The following ECD variants were observed in gnomAD, a reference collection of about 807,000 sequenced individuals.
ECD encodes the protein ecdysoneless cell cycle regulator.
In ECD, 59 loss-of-function variants were observed where a neutral mutation model predicts 77.2. The ratio of observed to expected loss-of-function variants is 0.76; its 90% CI spans 0.62 to 0.95. The LOEUF (loss-of-function observed/expected upper bound fraction) is 0.95. Ranked by LOEUF, ECD falls within the 40% of genes least tolerant of loss-of-function variation. The pLI, the probability that ECD is intolerant of heterozygous loss-of-function variation, is 0.00. For missense variants in ECD, 704 were observed against 763.4 expected (o/e 0.92, Z 0.92); for synonymous variants, 233 against 267.4 (o/e 0.87, Z 1.26).
intron 3 of ECD, 133 bp from the exon 4 acceptor site, chr10:73,156,788 A>G: frequency 1.4e-6 from 1 of 726,570 alleles, no homozygotes; most frequent in South Asian, 1.8e-5. Context: ...AGATGGCTAT[A>G]AGAAAGCAAA....
At chr10:73,135,441 G>A (rs1238816678) in intron 13 of ECD, among the ~76,000 whole-genome samples, 3 of 152,136 alleles carry the variant, frequency 2.0e-5, no homozygotes, top group African/African-American at 7.2e-5. Flanking sequence ...AAACTCAGCT[G>A]GGAGTGGTCG....
Position 73,136,689 on chromosome 10 carries a change from TA to T in ECD, c.1704+14del. 1 of 1,612,392 alleles carries T rather than the reference TA, an allele frequency of 6.2e-7. No individual in the cohort carries two copies. The highest frequency in any genetic ancestry group is 2.2e-5 in the East Asian group (1 of 44,776). On this transcript the variant is annotated intron_variant, in intron 13 of 13. Coordinates refer to ENST00000372979, the MANE Select transcript of ECD (RefSeq NM_007265.3). Reference sequence around the variant, plus strand: ...ACTAGACTCAGAAAGAGAAAGAGGTTAAAAACACACATACCACTTGGTTCCT... The same window carrying T: ...ACTAGACTCAGAAAGAGAAAGAGGTTAAAACACACATACCACTTGGTTCCT...
At chr10:73,165,043 C>G (rs1843434875) in intron 1 of ECD, among the ~76,000 whole-genome samples, 1 of 152,206 alleles carries the variant, frequency 6.6e-6, no homozygotes, top group Non-Finnish European at 1.5e-5. Context: ...AGTTCTGCCA[C>G]TAATTAGTTG....
chr10:73,139,219 A>G, intron 11 of ECD, 90 bp downstream of exon 11: 1 of 915,286 alleles, frequency 1.1e-6, no homozygotes, highest in African/African-American at 3.2e-5. Context: ...ATTTACTCAA[A>G]AAAAAAAAAA....
At position 73,137,985 on chromosome 10, in the gene ECD, C is replaced by T. The variant is rs375517976; in HGVS notation, c.1489+18G>A. 98 of 1,558,276 alleles carry T rather than the reference C, an allele frequency of 6.3e-5. No individual in the cohort carries two copies. Among genetic ancestry groups the T allele is most frequent in the Non-Finnish European group, 8.1e-5 (93 of 1,154,680 alleles). On this transcript the variant is annotated intron_variant, in intron 12 of 13. Coordinates refer to ENST00000372979, the MANE Select transcript of ECD (RefSeq NM_007265.3). ...CTAACAGTTTCAAAATGAAAGTCAA[C>T]ATCACACCACTACTTACCTAAAATC...
In ECD at chr10:73,152,394, G is replaced by A. The variant is rs567996573; in HGVS notation, c.811C>T (p.Gln271Ter). Reference sequence around the variant, plus strand: ...GGCACAAACCTTTGTTGCACCAATTGTGCATATAGACATTTAGTGAATGTG... The same window carrying A: ...GGCACAAACCTTTGTTGCACCAATTATGCATATAGACATTTAGTGAATGTG... ...SVTFTKCLYA[Q>*]LVQQRFVPDR... Residue 271 changes from glutamine to a stop codon, truncating the protein, a stop_gained, in exon 7 of 14, where the codon CAA becomes TAA. Transcript: ENST00000372979. LOFTEE classifies it high-confidence loss of function. 1.2e-6 allele frequency: 2 copies of A among 1,613,650 alleles called. No individual in the cohort carries two copies. The highest frequency in any genetic ancestry group is 1.7e-5 in the Admixed American group (1 of 59,992).
chr10:73,145,318 G>GTGAC (rs534104457), intron 9 of ECD, among the ~76,000 whole-genome samples: 1 of 151,950 alleles, frequency 6.6e-6, no homozygotes, highest in Non-Finnish European at 1.5e-5. Flanking sequence ...TCCAGCCTGG[G>GTGAC]TGACTAAGCG....
intron 9 of ECD, among the ~76,000 whole-genome samples, chr10:73,143,853 C>A (rs1843091142): frequency 8.4e-6 from 1 of 119,168 alleles, no homozygotes. Context: ...TTTTTCACTG[C>A]ATTATGTTTT....
chr10:73,156,840 T>C (rs1189630820), intron 3 of ECD, among the ~76,000 whole-genome samples, 185 bp from the exon 4 acceptor site: 1 of 152,072 alleles, frequency 6.6e-6, no homozygotes, highest in Non-Finnish European at 1.5e-5. Context: ...ACTGTAAGAT[T>C]GTAAGGAGGA....
At chr10:73,164,096 G>C (rs1329545580) in intron 1 of ECD, 146 bp from the exon 2 acceptor site, 1 of 668,320 alleles carries the variant, frequency 1.5e-6, no homozygotes, top group Non-Finnish European at 2.5e-6. Flanking sequence ...ATCACTTTGG[G>C]AGGCCGAGAC....
intron 7 of ECD, among the ~76,000 whole-genome samples, chr10:73,149,794 A>G (rs923411885): frequency 2.4e-4 from 36 of 152,326 alleles, no homozygotes; most frequent in African/African-American, 7.9e-4. Flanking sequence ...GGATACAATC[A>G]ATTTATATTC....
In ECD at chr10:73,156,037, GATGT is replaced by G. The variant is rs1478311813; in HGVS notation, c.590+234_590+237del. 1.6e-4 allele frequency among the ~76,000 whole-genome samples: 24 copies of G among 152,294 alleles called. No individual in the cohort carries two copies. In the South Asian group the frequency reaches 5.0e-3, roughly 32 times the overall value. On this transcript the variant is annotated intron_variant, in intron 5 of 13. Coordinates refer to ENST00000372979, the MANE Select transcript of ECD (RefSeq NM_007265.3). ...TAACACTTCTGAATGGGAATTTAAAGATGTATCTGTTTCCTGATTTTAAAATCTG... is the reference window on the plus strand; with the variant it reads ...TAACACTTCTGAATGGGAATTTAAAGATCTGTTTCCTGATTTTAAAATCTG...
chr10:73,141,005 T>C (rs1341367785), intron 9 of ECD, among the ~76,000 whole-genome samples: 1 of 152,058 alleles, frequency 6.6e-6, no homozygotes, highest in Admixed American at 6.5e-5. Context: ...ATCTAGCATG[T>C]ATTAAATGCT....
At chr10:73,153,133 G>C (rs1261874228) in intron 6 of ECD, among the ~76,000 whole-genome samples, 2 of 151,900 alleles carry the variant, frequency 1.3e-5, no homozygotes, top group Non-Finnish European at 2.9e-5. Flanking sequence ...GGCCAGGCTG[G>C]TCTCAAACTC....
In ECD at chr10:73,163,738, C is replaced by T; in HGVS notation, c.200G>A (p.Gly67Glu). The T allele has an allele frequency of 6.2e-7, 1 of 1,613,896 alleles. No homozygotes were observed. The highest frequency in any genetic ancestry group is 8.5e-7 in the Non-Finnish European group (1 of 1,179,962). ...AACAAGTAAAAGAGCCTTACCTTTCCCAGGTTTATATTTAAGATTGAAAGG... is the reference window on the plus strand; with the variant it reads ...AACAAGTAAAAGAGCCTTACCTTTCTCAGGTTTATATTTAAGATTGAAAGG... ...NQPFNLKYKPGKGGVPAHMFG... is the reference protein window; with the variant it reads ...NQPFNLKYKPEKGGVPAHMFG... The change falls in exon 2 of 14, where the codon GGG (glycine) becomes GAG (glutamate). Residue 67 changes from glycine to glutamate, a missense_variant. This residue lies in a region of ECD where 559 missense variants were observed against 583.7 expected (regional missense o/e 0.96). Transcript: ENST00000372979.
At chr10:73,157,299 C>T (rs922435414) in intron 3 of ECD, among the ~76,000 whole-genome samples, 3 of 151,794 alleles carry the variant, frequency 2.0e-5, no homozygotes, top group Non-Finnish European at 4.4e-5. Flanking sequence ...ATCCGCTCAC[C>T]TCAGCCTCCC....
At chr10:73,139,836 T>C (rs1331718191) in intron 9 of ECD, 99 bp from the exon 10 acceptor site, 3 of 726,856 alleles carry the variant, frequency 4.1e-6, no homozygotes, top group Non-Finnish European at 4.2e-6. Flanking sequence ...TTAGCTAGTC[T>C]AATTTGGGGA....
At chr10:73,154,727 G>A (rs1440306526) in intron 5 of ECD, among the ~76,000 whole-genome samples, 1 of 152,124 alleles carries the variant, frequency 6.6e-6, no homozygotes, top group Non-Finnish European at 1.5e-5. Flanking sequence ...GAGGTCAGGA[G>A]ATTGAGGCCA....
chr10:73,157,578 C>G (rs1843313089), intron 3 of ECD, among the ~76,000 whole-genome samples: 1 of 151,302 alleles, frequency 6.6e-6, no homozygotes, highest in African/African-American at 2.4e-5. Context: ...AAAAATCAGC[C>G]AGGCGTGGTG....
Sources: allele counts gnomAD v4.1 joint callset (sites outside exome capture counted in the v4.1 genomes callset), GRCh38; gene constraint gnomAD v4.1.1; regional missense constraint gnomAD v4.1.1; transcripts MANE v1.5; gene names NCBI Gene and HGNC (gene_info 2026-07-23, HGNC 2026-07-21).